The following MAN2A1 variants were observed in gnomAD, a reference collection of about 807,000 sequenced individuals.
The protein encoded by MAN2A1 is mannosidase alpha class 2A member 1.
Under a neutral mutation model 142.6 loss-of-function variants are expected in MAN2A1, and 76 were observed. That is an observed-to-expected ratio of 0.53 (90% confidence interval 0.44 to 0.65). The LOEUF (loss-of-function observed/expected upper bound fraction) is 0.65, where lower values mean the gene tolerates loss of function less well. Among genes scored for constraint, MAN2A1 ranks in the 30% least tolerant of loss-of-function variants. The probability of loss-of-function intolerance (pLI) is 0.00; values close to 1 mark genes in which losing one functional copy is unlikely to be tolerated. For missense variants in MAN2A1, 1,311 were observed against 1,365.1 expected, an observed-to-expected ratio of 0.96 and a Z score of 0.62; for synonymous variants, 559 against 473.2, an observed-to-expected ratio of 1.18 and a Z score of -2.35.
At chr5:109,848,883 T>C (rs1366474802) in intron 19 of MAN2A1, among the ~76,000 whole-genome samples, 1 of 152,240 alleles carries the variant, frequency 6.6e-6, no homozygotes, top group East Asian at 1.9e-4. Flanking sequence ...GTTTATGAGA[T>C]GAGTTTATTT....
At chr5:109,733,297 G>A (rs1347037437) in intron 4 of MAN2A1, among the ~76,000 whole-genome samples, 3 of 152,202 alleles carry the variant, frequency 2.0e-5, no homozygotes, top group Non-Finnish European at 4.4e-5. Flanking sequence ...ATACAATCAT[G>A]TCGTCTGCAA....
intron 12 of MAN2A1, among the ~76,000 whole-genome samples, chr5:109,790,100 T>C (rs951602188): frequency 2.6e-5 from 4 of 151,992 alleles, no homozygotes; most frequent in Admixed American, 1.3e-4. Context: ...TTATGTTTTA[T>C]TGGTATTTCT....
intron 11 of MAN2A1, 80 bp downstream of exon 11, chr5:109,789,128 A>G: frequency 1.4e-6 from 1 of 710,986 alleles, no homozygotes. Context: ...GAGAAGCTTA[A>G]TGAAAAAAGA....
chr5:109,741,470 T>A (rs1752265431), intron 4 of MAN2A1, among the ~76,000 whole-genome samples: 1 of 152,198 alleles, frequency 6.6e-6, no homozygotes, highest in South Asian at 2.1e-4. Context: ...ACTAATAGAT[T>A]TTTTTGTGTG....
At chr5:109,832,928 A>G (rs2112744661) in intron 16 of MAN2A1, among the ~76,000 whole-genome samples, 1 of 151,458 alleles carries the variant, frequency 6.6e-6, no homozygotes, top group Middle Eastern at 3.5e-3. Flanking sequence ...GCGGCAGGGC[A>G]GAGACGCTCC....
chr5:109,738,402 CATT>C (rs763493061), intron 4 of MAN2A1, among the ~76,000 whole-genome samples: 3 of 152,162 alleles, frequency 2.0e-5, no homozygotes, highest in Non-Finnish European at 2.9e-5. Context: ...TATGTATCAT[CATT>C]GATACCATCT....
intron 16 of MAN2A1, among the ~76,000 whole-genome samples, chr5:109,834,492 C>T (rs1321815516): frequency 6.6e-6 from 1 of 151,890 alleles, no homozygotes; most frequent in Admixed American, 6.6e-5. Context: ...ATTATGTCTT[C>T]TTCAAGTATA....
intron 4 of MAN2A1, among the ~76,000 whole-genome samples, chr5:109,744,498 C>T (rs529157628): frequency 5.3e-5 from 8 of 151,940 alleles, no homozygotes; most frequent in Middle Eastern, 3.4e-3. Flanking sequence ...GGGTGGGCAG[C>T]GAGGGTGTGT....
At chr5:109,698,016 T>C (rs1001064915) in intron 1 of MAN2A1, among the ~76,000 whole-genome samples, 5 of 152,230 alleles carry the variant, frequency 3.3e-5, no homozygotes, top group African/African-American at 1.2e-4. Context: ...ACTGTAGGAC[T>C]GCTCTGGGAA....
chr5:109,756,461 C>G (rs1448514232), intron 5 of MAN2A1, among the ~76,000 whole-genome samples: 1 of 151,858 alleles, frequency 6.6e-6, no homozygotes, highest in Non-Finnish European at 1.5e-5. Context: ...AAAAAATTGT[C>G]CCTTAGAGAT....
chr5:109,744,394 G>T (rs1338000332), intron 4 of MAN2A1, among the ~76,000 whole-genome samples: 3 of 152,078 alleles, frequency 2.0e-5, no homozygotes, highest in African/African-American at 7.2e-5. Flanking sequence ...AGGAATTTTA[G>T]GTTGTGAGAA....
At chr5:109,796,792 G>A (rs1753874876) in intron 12 of MAN2A1, among the ~76,000 whole-genome samples, 1 of 152,140 alleles carries the variant, frequency 6.6e-6, no homozygotes, top group South Asian at 2.1e-4. Context: ...CGATCAGGCT[G>A]GATCCATGCA....
chr5:109,864,749 A>G (rs1290951901), intron 20 of MAN2A1: 2 of 331,674 alleles, frequency 6.0e-6, no homozygotes, highest in Non-Finnish European at 1.1e-5. Context: ...TATATAATGT[A>G]TGGACATAAG....
chr5:109,837,732 T>C (rs1262980014), intron 16 of MAN2A1, among the ~76,000 whole-genome samples: 2 of 152,212 alleles, frequency 1.3e-5, no homozygotes, highest in African/African-American at 4.8e-5. Context: ...TGTACATGTC[T>C]ACGTGCTGGG....
chr5:109,841,835 C>A (rs1323480400), intron 16 of MAN2A1, among the ~76,000 whole-genome samples: 2 of 152,164 alleles, frequency 1.3e-5, no homozygotes, highest in Non-Finnish European at 2.9e-5. Context: ...CTCATTAGAT[C>A]TCCTGTCTCT....
chr5:109,799,344 C>T (rs897289525), intron 12 of MAN2A1, among the ~76,000 whole-genome samples: 1 of 152,168 alleles, frequency 6.6e-6, no homozygotes, highest in Non-Finnish European at 1.5e-5. Context: ...GCACTATGTG[C>T]TCCAGCCCCA....
chr5:109,817,122 C>T (rs1195849669), intron 12 of MAN2A1, 151 bp from the exon 13 acceptor site: 27 of 669,286 alleles, frequency 4.0e-5, no homozygotes, highest in South Asian at 6.2e-5. Context: ...GCTATAATCT[C>T]CCCACTGCAC....
rs1755232566 is a variant in MAN2A1, at chr5:109,842,473, T to C, written c.2700+12T>C. On this transcript the variant is annotated intron_variant, in intron 17 of 21. Coordinates refer to ENST00000261483, the MANE Select transcript of MAN2A1 (RefSeq NM_002372.4). ...TAAATGGGTACCAGGTAATTTTTCC[T>C]TTAAAATGTTTAAGTAATGGTTGTA... 2.0e-6 allele frequency: 3 copies of C among 1,516,782 alleles called. No homozygotes were observed. Among genetic ancestry groups the C allele is most frequent in the East Asian group, 2.3e-5 (1 of 43,778 alleles). The allele number at this position is 1,516,782 out of a possible 1,614,324, so 94.0% of individuals were successfully genotyped here. A position where few individuals can be genotyped will look rare whatever the true frequency, so the allele number is the denominator to read the frequency against.
chr5:109,833,919 T>C (rs1315886938), intron 16 of MAN2A1, among the ~76,000 whole-genome samples: 2 of 152,206 alleles, frequency 1.3e-5, no homozygotes, highest in Non-Finnish European at 2.9e-5. Flanking sequence ...CAGAAATATT[T>C]GTTGCTTAGT....
Sources: gnomAD v4.1 joint callset for allele counts (sites outside exome capture counted in the v4.1 genomes callset) on GRCh38, gnomAD v4.1.1 for gene constraint, MANE v1.5 for transcripts, NCBI Gene and HGNC (gene_info 2026-07-23, HGNC 2026-07-21) for gene names.